Variants in POLD1 observed in about 807,000 individuals in gnomAD.
POLD1 encodes DNA polymerase delta 1, catalytic subunit, also known as DNA polymerase delta catalytic subunit.
In POLD1, 79 loss-of-function variants were observed where a neutral mutation model predicts 129.7. The observed-to-expected ratio is 0.61, with a 90% CI of 0.51 to 0.73. POLD1 has a LOEUF of 0.73. Ranked by LOEUF, POLD1 falls within the 30% of genes least tolerant of loss-of-function variation. The pLI, the probability that POLD1 is intolerant of heterozygous loss-of-function variation, is 0.00. For missense variants in POLD1, 1,338 were observed against 1,595.8 expected (o/e 0.84, Z 2.75); for synonymous variants, 714 against 683.3 (o/e 1.04, Z -0.70).
At chr19:50,391,558 A>G (rs3219323) in intron 1 of POLD1, among the ~76,000 whole-genome samples, 35,519 of 151,662 alleles carry the variant, frequency 0.23, 7,651 homozygotes, top group African/African-American at 0.57. Context: ...CCAGTCAGGC[A>G]TGGCGGTGCG....
chr19:50,409,037 C>A lies in POLD1; in HGVS notation c.1893-85C>A. The A allele has an allele frequency of 7.5e-7, 1 of 1,331,918 alleles. No homozygotes were observed. The highest frequency in any genetic ancestry group is 1.1e-6 in the Non-Finnish European group (1 of 933,928). The allele number at this position is 1,331,918 out of a possible 1,614,324, so 82.5% of individuals were successfully genotyped here. A position where few individuals can be genotyped will look rare whatever the true frequency, so the allele number is the denominator to read the frequency against. On this transcript the variant is annotated intron_variant, in intron 15 of 26. Transcript: ENST00000440232. This position sits in a 1 kb window ranked among gnomAD's most constrained non-coding sequence, Gnocchi z 5.8. The stretch of plus-strand genomic sequence containing the variant: ...GGGGTGCTTGAGGGGCCTGCGTGTG[C>A]TCATGGCCAAGGCCAGGACCGTAGG...
chr19:50,417,326 T>G, intron 26 of POLD1, 57 bp downstream of exon 26: 3 of 1,282,424 alleles, frequency 2.3e-6, no homozygotes, highest in Non-Finnish European at 3.3e-6. Flanking sequence ...CCCAGGCCTG[T>G]GGGTTGTGGA....
rs747055885 is a variant in POLD1 at position 50,399,035 on chromosome 19, C to T, written c.184C>T (p.Leu62=). 1.3e-6 allele frequency: 2 copies of T among 1,555,288 alleles called. No individual in the cohort carries two copies. The highest frequency in any genetic ancestry group is 2.0e-5 in the Admixed American group (1 of 51,244). ...GGAGGAGGAGGAGCTGCAGTCAGTCCTGGAGGGGGTTGCAGACGGTAAGGC... is the reference window on the plus strand; with the variant it reads ...GGAGGAGGAGGAGCTGCAGTCAGTCTTGGAGGGGGTTGCAGACGGTAAGGC... ...EQEEEELQSV[L]EGVADGQVPP... is the part of the protein sequence containing the mutation. Residue 62 remains leucine, a synonymous_variant, in exon 2 of 27, where the codon CTG becomes TTG. Coordinates refer to ENST00000440232, the MANE Select transcript of POLD1 (RefSeq NM_002691.4).
At chr19:50,394,237 T>C (rs1035996405) in intron 1 of POLD1, among the ~76,000 whole-genome samples, 8 of 152,196 alleles carry the variant, frequency 5.3e-5, no homozygotes, top group African/African-American at 1.9e-4. Flanking sequence ...CTCTCATTCC[T>C]GGAGGGAGAA....
In POLD1 at chr19:50,403,613, G is replaced by C. The variant is rs2122280139; in HGVS notation, c.1242+16G>C. On this transcript the variant is annotated intron_variant, in intron 10 of 26. Coordinates refer to ENST00000440232, the MANE Select transcript of POLD1 (RefSeq NM_002691.4). The stretch of plus-strand genomic sequence containing the variant: ...GACCCTCAAGGTGAGGGCTGGGCAG[G>C]TGGGAGGCTTCTCTCAGATGCCCCA... The C allele has an allele frequency of 6.5e-7, 1 of 1,545,684 alleles. No individual in the cohort carries two copies. Among genetic ancestry groups the C allele is most frequent in the Middle Eastern group, 1.7e-4 (1 of 5,920 alleles).
chr19:50,400,985 C>T (rs916737612), intron 3 of POLD1, among the ~76,000 whole-genome samples: 3 of 151,744 alleles, frequency 2.0e-5, no homozygotes, highest in African/African-American at 2.4e-5. Context: ...CTTGAGCCAC[C>T]GCGCCCGGCC....
chr19:50,386,298 C>T (rs1194372902), intron 1 of POLD1, among the ~76,000 whole-genome samples: 1 of 152,058 alleles, frequency 6.6e-6, no homozygotes, highest in Non-Finnish European at 1.5e-5. Context: ...CCACCACGCC[C>T]AGCTAATTTT....
chr19:50,409,400 C>T lies in POLD1; in HGVS notation c.2007-119C>T, dbSNP rs1001140389. On this transcript the variant is annotated intron_variant, in intron 16 of 26. Coordinates refer to ENST00000440232, the MANE Select transcript of POLD1 (RefSeq NM_002691.4). This position sits in a 1 kb window ranked among gnomAD's most constrained non-coding sequence, Gnocchi z 5.8. ...TGGCAGCTTCCTTTTGCCCCCTTGG[C>T]CAGAAGCTTCTGTGCAGTGCACAGT... is the stretch of plus-strand genomic sequence containing the variant. 7.0e-7 allele frequency: 1 copy of T among 1,437,422 alleles called. No individual in the cohort carries two copies. Among genetic ancestry groups the T allele is most frequent in the Non-Finnish European group, 9.6e-7 (1 of 1,040,042 alleles). The allele number at this position is 1,437,422 out of a possible 1,614,324, so 89.0% of individuals were successfully genotyped here. A position where few individuals can be genotyped will look rare whatever the true frequency, so the allele number is the denominator to read the frequency against.
Position 50,409,390 on chromosome 19 carries a change from G to A in POLD1, c.2007-129G>A. 1.5e-6 allele frequency: 2 copies of A among 1,378,496 alleles called. No homozygotes were observed. Among genetic ancestry groups the A allele is most frequent in the Non-Finnish European group, 2.0e-6 (2 of 989,904 alleles). The allele number at this position is 1,378,496 out of a possible 1,614,324, so 85.4% of individuals were successfully genotyped here. On this transcript the variant is annotated intron_variant, in intron 16 of 26. Coordinates refer to ENST00000440232, the MANE Select transcript of POLD1 (RefSeq NM_002691.4). The surrounding 1 kb of genome is among the most constrained non-coding windows in gnomAD (Gnocchi z 5.8). The stretch of plus-strand genomic sequence containing the variant: ...CATCCCCTCCTGGCAGCTTCCTTTT[G>A]CCCCCTTGGCCAGAAGCTTCTGTGC...
At chr19:50,416,898 T>C in intron 24 of POLD1, 147 bp from the exon 25 acceptor site, 1 of 1,036,638 alleles carries the variant, frequency 9.6e-7, no homozygotes, top group Non-Finnish European at 1.4e-6. Context: ...ACCCCGGGAG[T>C]TCCCCAGGGG....
chr19:50,398,871 C>A lies in POLD1; in HGVS notation c.20C>A (p.Pro7Gln), dbSNP rs2038469040. The A allele has an allele frequency of 1.2e-6, 2 of 1,608,472 alleles. No homozygotes were observed. Among genetic ancestry groups the A allele is most frequent in the Non-Finnish European group, 1.7e-6 (2 of 1,178,856 alleles). The change falls in exon 2 of 27, where the codon CCA (proline) becomes CAA (glutamine). Residue 7 changes from proline (P) to glutamine (Q), a missense_variant. Transcript: ENST00000440232. MDGKRR[P>Q]GPGPGVPPKR... The stretch of plus-strand genomic sequence containing the variant: ...AGCAGGATGGATGGCAAGCGGCGGC[C>A]AGGCCCAGGGCCCGGGGTGCCCCCA...
At chr19:50,413,549 G>T (rs1368673717) in intron 18 of POLD1, 28 bp downstream of exon 18, 1 of 1,584,346 alleles carries the variant, frequency 6.3e-7, no homozygotes, top group Non-Finnish European at 8.6e-7. Flanking sequence ...GCTGCCCTGA[G>T]ATGGGCCCAG....
intron 1 of POLD1, among the ~76,000 whole-genome samples, chr19:50,393,536 C>T (rs928693731): frequency 1.3e-5 from 2 of 152,038 alleles, no homozygotes; most frequent in Middle Eastern, 3.2e-3. Context: ...CATGGTGGCA[C>T]GCATCTGTCT....
chr19:50,403,271 C>T (rs529901574), intron 9 of POLD1, 52 bp downstream of exon 9: 31 of 1,488,990 alleles, frequency 2.1e-5, no homozygotes, highest in Admixed American at 1.1e-4. Flanking sequence ...CGCCAGCCTC[C>T]GCGTCCTGAG....
In POLD1 at chr19:50,391,303, G is replaced by A. The variant is rs3219321; in HGVS notation, c.-2+6913G>A. ...TCACTTCCCAGACGGGGTGGCGGCCGGGCAGAGGCTGCAATCTCGGCACTT... is the reference window on the plus strand; with the variant it reads ...TCACTTCCCAGACGGGGTGGCGGCCAGGCAGAGGCTGCAATCTCGGCACTT... On this transcript the variant is annotated intron_variant, in intron 1 of 26. Transcript: ENST00000440232. Among the ~76,000 whole-genome samples, 1,302 of 152,164 alleles carry A rather than the reference G, an allele frequency of 8.6e-3. 14 individuals carry two copies. Among genetic ancestry groups the A allele is most frequent in the African/African-American group, 0.028 (1,141 of 41,468 alleles).
At chr19:50,402,179 C>T (rs2122242382) in intron 5 of POLD1, 26 bp from the exon 6 acceptor site, 2 of 1,585,134 alleles carry the variant, frequency 1.3e-6, no homozygotes, top group Non-Finnish European at 1.7e-6. Context: ...AGGCCATTGG[C>T]TGGTCCCAGC....
rs1208797751 is a variant in POLD1, at chr19:50,386,956, GCC to G, written c.-2+2567_-2+2568del. The stretch of plus-strand genomic sequence containing the variant: ...GCCTGTAATCCCAGCACTTTGGGAG[GCC>G]GAGGCGGGCAGATCATGAGGTCAGG... On this transcript the variant is annotated intron_variant, in intron 1 of 26. Transcript: ENST00000440232. 5.9e-5 allele frequency among the ~76,000 whole-genome samples: 9 copies of G among 152,366 alleles called. No homozygotes were observed. In the East Asian group the frequency reaches 1.7e-3, roughly 29 times the overall value.
In POLD1 at chr19:50,402,539, C is replaced by G. The variant is rs780257283; in HGVS notation, c.840+4C>G. The stretch of plus-strand genomic sequence containing the variant: ...CGCCCTGAGGCTGAAGGAGAAGGTG[C>G]AGGGCTTCCCAGGGCAGGGCTGGGT... On this transcript the variant is annotated splice_donor_region_variant and intron_variant, in intron 7 of 26. Coordinates refer to ENST00000440232, the MANE Select transcript of POLD1 (RefSeq NM_002691.4). The G allele has an allele frequency of 2.5e-6, 4 of 1,587,542 alleles. No individual in the cohort carries two copies. Among genetic ancestry groups the G allele is most frequent in the Non-Finnish European group, 3.4e-6 (4 of 1,167,160 alleles).
chr19:50,398,713 G>T, intron 1 of POLD1, 138 bp from the exon 2 acceptor site: 1 of 1,387,522 alleles, frequency 7.2e-7, no homozygotes, highest in Non-Finnish European at 9.6e-7. Flanking sequence ...TGCCTGCAGG[G>T]TGCAGAGAGC....
Sources: allele counts gnomAD v4.1 joint callset (sites outside exome capture counted in the v4.1 genomes callset), GRCh38; gene constraint gnomAD v4.1.1; non-coding constraint Gnocchi (gnomAD v3.1); transcripts MANE v1.5; gene names NCBI Gene and HGNC (gene_info 2026-07-23, HGNC 2026-07-21).